NUMA1: variants seen among roughly 807,000 people sequenced by gnomAD.
NUMA1 encodes SP-H antigen.
A neutral mutation model predicts 237.1 loss-of-function variants in NUMA1; 62 were observed. That is an observed-to-expected ratio of 0.26 (90% CI 0.21 to 0.32). The LOEUF (loss-of-function observed/expected upper bound fraction) is 0.32. Ranked by LOEUF, NUMA1 falls within the 10% of genes least tolerant of loss-of-function variation. The pLI is 1.00. For missense variants in NUMA1, 2,533 were observed against 2,666.5 expected, an observed-to-expected ratio of 0.95 and a Z score of 1.10; for synonymous variants, 1,028 against 1,066.1, an observed-to-expected ratio of 0.96 and a Z score of 0.70.
intron 2 of NUMA1, among the ~76,000 whole-genome samples, chr11:72,050,309 C>T (rs1342323917): frequency 1.3e-5 from 2 of 152,196 alleles, no homozygotes; most frequent in Non-Finnish European, 2.9e-5. Context: ...AGCACTGAGA[C>T]CCGTCTTTCT....
Position 72,013,525 on chromosome 11 carries a change from G to A in NUMA1, c.3978C>T (p.Gly1326=). ...TSQAERAEEL[G]QELKAWQEKF... ...TCTCCTGCCACGCCTTCAATTCTTG[G>A]CCCAGCTCCTCCGCACGCTCAGCCT... Residue 1326 remains glycine, a synonymous_variant, in exon 15 of 27, where the codon GGC becomes GGT. Transcript: ENST00000393695. This position sits in a 1 kb window ranked among gnomAD's most constrained non-coding sequence, Gnocchi z 6.8. The A allele has an allele frequency of 6.2e-7, 1 of 1,613,486 alleles. No homozygotes were observed. Among genetic ancestry groups the A allele is most frequent in the Non-Finnish European group, 8.5e-7 (1 of 1,180,004 alleles).
At chr11:72,024,472 T>C in intron 4 of NUMA1, 119 bp from the exon 5 acceptor site, 1 of 885,948 alleles carries the variant, frequency 1.1e-6, no homozygotes, top group East Asian at 2.4e-5. Flanking sequence ...CTGGAAGAGA[T>C]CCAGATCAGA....
intron 2 of NUMA1, among the ~76,000 whole-genome samples, chr11:72,057,032 T>C (rs1942692592): frequency 6.6e-6 from 1 of 150,900 alleles, no homozygotes; most frequent in Non-Finnish European, 1.5e-5. Flanking sequence ...ATACTATCAA[T>C]TGTAAAATAC....
At chr11:72,010,010 C>T (rs1956038301) in intron 17 of NUMA1, among the ~76,000 whole-genome samples, 1 of 152,236 alleles carries the variant, frequency 6.6e-6, no homozygotes, top group Non-Finnish European at 1.5e-5. Flanking sequence ...TCTGCAAGGC[C>T]AACAAGTGCT....
chr11:72,056,556 G>T (rs1942655946), intron 2 of NUMA1, among the ~76,000 whole-genome samples: 1 of 142,658 alleles, frequency 7.0e-6, no homozygotes, highest in South Asian at 2.3e-4. Flanking sequence ...TCCTCACCTT[G>T]TGATCCGCCT....
chr11:72,008,582 C>T (rs755824989), intron 20 of NUMA1, 106 bp downstream of exon 20: 18 of 1,292,674 alleles, frequency 1.4e-5, no homozygotes, highest in Admixed American at 3.6e-5. Flanking sequence ...CGTTATTCTT[C>T]TCTAAGAATA....
At chr11:72,012,869 G>A in intron 15 of NUMA1, 26 bp downstream of exon 15, 1 of 1,604,818 alleles carries the variant, frequency 6.2e-7, no homozygotes, top group Non-Finnish European at 8.5e-7. Context: ...TGATCTTTGG[G>A]AGGGTGGTTG....
At chr11:72,028,409 C>T (rs11235426) in intron 4 of NUMA1, among the ~76,000 whole-genome samples, 1 of 136,740 alleles carries the variant, frequency 7.3e-6, no homozygotes, top group Admixed American at 8.1e-5. Flanking sequence ...ACACTTCAGT[C>T]TATCCTTGGC....
intron 2 of NUMA1, among the ~76,000 whole-genome samples, chr11:72,052,434 T>C (rs1218816023): frequency 1.3e-5 from 2 of 152,128 alleles, no homozygotes; most frequent in African/African-American, 4.8e-5. Context: ...AGTTGAACAA[T>C]GGCATGCAGT....
At position 72,015,394 on chromosome 11, in the gene NUMA1, C is replaced by A; in HGVS notation, c.2109G>T (p.Gln703His). Residue 703 changes from glutamine (Q) to histidine (H), a missense_variant, in exon 15 of 27, where the codon CAG (glutamine) becomes CAT (histidine). Physicochemically the swap from Gln to His is conservative, Grantham distance 24 (BLOSUM62 0). Transcript: ENST00000393695. The surrounding 1 kb of genome is among the most constrained non-coding windows in gnomAD (Gnocchi z 4.0). The part of the protein sequence containing the change: ...VAQEKDQLQE[Q>H]LQALKESLKV... ...TCAAGGACTCTTTGAGGGCCTGGAG[C>A]TGCTCCTGGAGCTGGTCCTTCTCCT... is the stretch of plus-strand genomic sequence containing the variant. 6.2e-7 allele frequency: 1 copy of A among 1,612,142 alleles called. No homozygotes were observed. Among genetic ancestry groups the A allele is most frequent in the Non-Finnish European group, 8.5e-7 (1 of 1,180,016 alleles).
chr11:72,066,954 T>C (rs1213113389), intron 2 of NUMA1: 3 of 152,200 alleles, frequency 2.0e-5, no homozygotes, highest in African/African-American at 7.2e-5. Flanking sequence ...GTCCCTCTAA[T>C]TGCAAGTTAT....
At chr11:72,076,349 G>A (rs996811827) in intron 1 of NUMA1, among the ~76,000 whole-genome samples, 2 of 151,834 alleles carry the variant, frequency 1.3e-5, no homozygotes, top group Non-Finnish European at 2.9e-5. Context: ...ACTCCAACCT[G>A]GGCAACAAAG....
rs1268013985 is a variant in NUMA1 at position 72,008,004 on chromosome 11, C to T, written c.5217-569G>A. On this transcript the variant is annotated intron_variant, in intron 20 of 26. Coordinates refer to ENST00000393695, the MANE Select transcript of NUMA1 (RefSeq NM_006185.4). ...TCAGGCCAGGCTGCCCAGGGTCAAA[C>T]CCCAGCTCTACCACTGGGGAACCTT... 3 of 428,570 alleles carry T rather than the reference C, an allele frequency of 7.0e-6. No individual in the cohort carries two copies. The East Asian group carries it at 1.8e-4, about 26-fold the overall frequency. The allele number at this position is 428,570 out of a possible 1,614,324, so 26.5% of individuals were successfully genotyped here.
chr11:72,017,532 A>G, intron 13 of NUMA1, 155 bp downstream of exon 13: 1 of 934,596 alleles, frequency 1.1e-6, no homozygotes. Context: ...AAGGTGTACT[A>G]GACTGAAGCC....
chr11:72,076,659 C>T (rs1851996863), intron 1 of NUMA1: 1 of 152,182 alleles, frequency 6.6e-6, no homozygotes, highest in South Asian at 2.1e-4. Context: ...GTGGTGCATG[C>T]CTGTAATCCC....
At chr11:72,030,378 CG>C (rs1940145383) in intron 3 of NUMA1, among the ~76,000 whole-genome samples, 3 of 148,800 alleles carry the variant, frequency 2.0e-5, no homozygotes. Flanking sequence ...AAAAAGGGGG[CG>C]GTGGGGGATG....
Position 72,010,872 on chromosome 11 carries a change from G to C in NUMA1, c.4651-18C>G, listed in dbSNP as rs1452008380. The C allele has an allele frequency of 1.2e-6, 2 of 1,612,064 alleles. No individual in the cohort carries two copies. The highest frequency in any genetic ancestry group is 2.2e-5 in the South Asian group (2 of 91,018). Reference sequence around the variant, plus strand: ...TCTTCCACCTGGGGAGGGAAGAGGAGGACAGAAGACTCAGGAGGACTTCCC... The same window carrying C: ...TCTTCCACCTGGGGAGGGAAGAGGACGACAGAAGACTCAGGAGGACTTCCC... On this transcript the variant is annotated intron_variant, in intron 16 of 26. Transcript: ENST00000393695.
In NUMA1 at chr11:72,004,698, G is replaced by C; in HGVS notation, c.5948C>G (p.Thr1983Ser). Residue 1983 changes from threonine (T) to serine (S), a missense_variant, in exon 24 of 27, where the codon ACC (threonine) becomes AGC (serine). Physicochemically the swap from Thr to Ser is moderately conservative, Grantham distance 58. Around this residue, in one of 3 missense-constraint regions of NUMA1, gnomAD observed 795 missense variants for 750.8 expected, o/e 1.06. Transcript: ENST00000393695. ...GGAGACCCGTTTGCGCTGCTGCCGGGTGGTGATGCCAGTGCCCTCGGCTAT... is the reference window on the plus strand; with the variant it reads ...GGAGACCCGTTTGCGCTGCTGCCGGCTGGTGATGCCAGTGCCCTCGGCTAT... ...IQIAEGTGIT[T>S]RQQRKRVSLE... 1.2e-6 allele frequency: 2 copies of C among 1,613,738 alleles called. No homozygotes were observed. Among genetic ancestry groups the C allele is most frequent in the Non-Finnish European group, 1.7e-6 (2 of 1,179,900 alleles).
In NUMA1 at chr11:72,013,369, C is replaced by T. The variant is rs755017712; in HGVS notation, c.4134G>A (p.Glu1378=). The change falls in exon 15 of 27, where the codon GAG becomes GAA. Residue 1378 remains glutamate (E), a synonymous_variant. Coordinates refer to ENST00000393695, the MANE Select transcript of NUMA1 (RefSeq NM_006185.4). The surrounding 1 kb of genome is among the most constrained non-coding windows in gnomAD (Gnocchi z 6.8). ...GCTCCAGCTCCTCACGGTGGCGTTT[C>T]TCGGCAGCGGCCTGCTCGGCCTGCA... ...QQLQAEQAAA[E]KRHREELEQS... 3.7e-6 allele frequency: 6 copies of T among 1,610,556 alleles called. No individual in the cohort carries two copies. The highest frequency in any genetic ancestry group is 1.7e-6 in the Non-Finnish European group (2 of 1,179,906).
Sources: allele counts gnomAD v4.1 joint callset (sites outside exome capture counted in the v4.1 genomes callset), GRCh38; gene constraint gnomAD v4.1.1; regional missense constraint gnomAD v4.1.1; non-coding constraint Gnocchi (gnomAD v3.1); transcripts MANE v1.5; gene names NCBI Gene and HGNC (gene_info 2026-07-23, HGNC 2026-07-21).